The following MYO3B variants were observed in gnomAD, a reference collection of about 807,000 sequenced individuals.
MYO3B encodes myosin-IIIb.
In MYO3B, 156 loss-of-function variants were observed where a neutral mutation model predicts 174.6. The ratio of observed to expected loss-of-function variants is 0.89; its 90% CI spans 0.78 to 1.02. The LOEUF (loss-of-function observed/expected upper bound fraction) is 1.02. Among genes scored for constraint, MYO3B ranks in the 50% least tolerant of loss-of-function variants. The pLI is 0.00. For synonymous variants in MYO3B, 563 were observed against 569.1 expected (o/e 0.99, Z 0.15); for missense variants, 1,632 against 1,639.4 (o/e 1.00, Z 0.08).
At chr2:170,477,990 A>G (rs1401160787) in intron 25 of MYO3B, among the ~76,000 whole-genome samples, 2 of 152,208 alleles carry the variant, frequency 1.3e-5, no homozygotes, top group Non-Finnish European at 2.9e-5. Context: ...CACAGTCACA[A>G]GATGGCTATT....
At chr2:170,306,273 G>A (rs1417990976) in intron 7 of MYO3B, among the ~76,000 whole-genome samples, 1 of 152,204 alleles carries the variant, frequency 6.6e-6, no homozygotes, top group African/African-American at 2.4e-5. Context: ...ATATCCGCAA[G>A]ATACTGTTAG....
intron 7 of MYO3B, among the ~76,000 whole-genome samples, chr2:170,328,722 C>T (rs373069553): frequency 1.1e-3 from 167 of 152,084 alleles, no homozygotes; most frequent in African/African-American, 3.7e-3. Flanking sequence ...CTATAGTTAC[C>T]CACTCTGTGG....
chr2:170,324,104 C>G (rs904536403), intron 7 of MYO3B, among the ~76,000 whole-genome samples: 1 of 152,066 alleles, frequency 6.6e-6, no homozygotes, highest in Admixed American at 6.6e-5. Context: ...AGAGGCAGAG[C>G]GACAGGAAAG....
At chr2:170,385,130 C>T (rs982380920) in intron 12 of MYO3B, among the ~76,000 whole-genome samples, 1 of 152,152 alleles carries the variant, frequency 6.6e-6, no homozygotes, top group Non-Finnish European at 1.5e-5. Flanking sequence ...AGGAAGGGGG[C>T]ATGGCACACA....
At chr2:170,459,565 T>C (rs1684125109) in intron 23 of MYO3B, among the ~76,000 whole-genome samples, 1 of 152,170 alleles carries the variant, frequency 6.6e-6, no homozygotes, top group South Asian at 2.1e-4. Context: ...AGGAGCCCAG[T>C]TGGCTTTGCC....
rs1007969723 is a variant in MYO3B, at chr2:170,551,024, A to C, written c.3733+7036A>C. Reference sequence around the variant, plus strand: ...AGCTTTTCTCATGCCTCAGCCTCCTAAGTAACTGGGATTACAGGCCTGAGC... The same window carrying C: ...AGCTTTTCTCATGCCTCAGCCTCCTCAGTAACTGGGATTACAGGCCTGAGC... On this transcript the variant is annotated intron_variant, in intron 32 of 34. Coordinates refer to ENST00000408978, the MANE Select transcript of MYO3B (RefSeq NM_138995.5). Among the ~76,000 whole-genome samples the C allele has an allele frequency of 5.4e-4, 5 of 9,238 alleles. No homozygotes were observed. In the African/African-American group the frequency reaches 5.7e-3, roughly 10 times the overall value. The allele number at this position is 9,238 out of a possible 152,430, so 6.1% of individuals were successfully genotyped here.
At chr2:170,329,399 G>T (rs1304754362) in intron 7 of MYO3B, among the ~76,000 whole-genome samples, 2 of 142,370 alleles carry the variant, frequency 1.4e-5, no homozygotes, top group Non-Finnish European at 3.0e-5. Flanking sequence ...TTCCACTATT[G>T]GGGATTTTTT....
chr2:170,453,981 C>T (rs146283893), intron 23 of MYO3B, among the ~76,000 whole-genome samples: 339 of 152,260 alleles, frequency 2.2e-3, no homozygotes, highest in African/African-American at 7.1e-3. Context: ...CAGGGCTAAC[C>T]GAATGCAATT....
intron 7 of MYO3B, among the ~76,000 whole-genome samples, chr2:170,292,090 C>A (rs953065316): frequency 2.6e-5 from 4 of 152,104 alleles, no homozygotes; most frequent in African/African-American, 9.7e-5. Flanking sequence ...AGATAATTTT[C>A]TGCATCTTGT....
intron 32 of MYO3B, among the ~76,000 whole-genome samples, chr2:170,615,013 T>C (rs949299808): frequency 2.6e-5 from 4 of 152,192 alleles, no homozygotes; most frequent in Non-Finnish European, 5.9e-5. Flanking sequence ...ACTTTCTGTT[T>C]CTTACATTAA....
At chr2:170,193,013 C>T (rs2092558305) in intron 1 of MYO3B, among the ~76,000 whole-genome samples, 1 of 151,720 alleles carries the variant, frequency 6.6e-6, no homozygotes, top group South Asian at 2.1e-4. Flanking sequence ...GTTAAATATG[C>T]ACTTATTGAT....
At chr2:170,409,323 A>C (rs753869658) in intron 22 of MYO3B, among the ~76,000 whole-genome samples, 1 of 152,228 alleles carries the variant, frequency 6.6e-6, no homozygotes, top group South Asian at 2.1e-4. Context: ...ACAAAGAGAT[A>C]ACCTCCGCCG....
intron 8 of MYO3B, among the ~76,000 whole-genome samples, chr2:170,347,177 A>G (rs2094022871): frequency 6.6e-6 from 1 of 152,236 alleles, no homozygotes; most frequent in African/African-American, 2.4e-5. Context: ...AGTAAGATTT[A>G]TTTAAAGCTT....
At chr2:170,216,147 C>T (rs1008219300) in intron 5 of MYO3B, among the ~76,000 whole-genome samples, 7 of 152,212 alleles carry the variant, frequency 4.6e-5, no homozygotes, top group Non-Finnish European at 7.3e-5. Flanking sequence ...AATAAACCCA[C>T]AGATCCTTGG....
In MYO3B at chr2:170,519,454, A is replaced by G. The variant is rs1021532559; in HGVS notation, c.3489A>G (p.Val1163=). The change falls in exon 30 of 35, where the codon GTA becomes GTG. Residue 1163 remains valine (V), a synonymous_variant. Transcript: ENST00000408978. ...PGDHKVLRGS[V]HRRSHSQAES... is the part of the protein sequence containing the mutation. ...TTCTCTCAGTTCTCAGGGGCTCTGT[A>G]CATCGTAGGAGCCATTCACAAGCAG... 3 of 1,613,550 alleles carry G rather than the reference A, an allele frequency of 1.9e-6. No individual in the cohort carries two copies. The highest frequency in any genetic ancestry group is 2.5e-6 in the Non-Finnish European group (3 of 1,179,674).
At chr2:170,432,384 A>C (rs562842535) in intron 22 of MYO3B, among the ~76,000 whole-genome samples, 3 of 152,188 alleles carry the variant, frequency 2.0e-5, no homozygotes, top group African/African-American at 7.2e-5. Context: ...AAAATTAAAA[A>C]GTAAACAAAA....
chr2:170,653,159 A>G lies in MYO3B; in HGVS notation c.*38A>G, dbSNP rs1263356696. On this transcript the variant is annotated 3_prime_UTR_variant, in exon 35 of 35. Coordinates refer to ENST00000408978, the MANE Select transcript of MYO3B (RefSeq NM_138995.5). ...AACCCTAAATCTGTCCAGAGTAGGA[A>G]CATTCATGGTAATCGACTGTCTGTC... is the stretch of plus-strand genomic sequence containing the variant. The G allele has an allele frequency of 2.5e-6, 4 of 1,612,158 alleles. No homozygotes were observed. The highest frequency in any genetic ancestry group is 3.3e-4 in the Middle Eastern group (2 of 6,060).
At chr2:170,399,224 AAG>A (rs1473727657) in intron 16 of MYO3B, among the ~76,000 whole-genome samples, 3 of 137,250 alleles carry the variant, frequency 2.2e-5, no homozygotes, top group Non-Finnish European at 4.8e-5. Context: ...CCTGGGCAAC[AAG>A]AGCGAAATTC....
rs191183551 is a variant in MYO3B at position 170,536,897 on chromosome 2, C to T, written c.3576-6009C>T. On this transcript the variant is annotated intron_variant, in intron 30 of 34. Coordinates refer to ENST00000408978, the MANE Select transcript of MYO3B (RefSeq NM_138995.5). ...TCCCTCAAGATTCTTGGGGCCCCTA[C>T]TATTTAAAAGTATGCTGGTCTCGGC... Among the ~76,000 whole-genome samples, 63 of 152,102 alleles carry T rather than the reference C, an allele frequency of 4.1e-4. No individual in the cohort carries two copies. The East Asian group carries it at 5.0e-3, about 12-fold the overall frequency.
Sources: gnomAD v4.1 joint callset for allele counts (sites outside exome capture counted in the v4.1 genomes callset) on GRCh38, gnomAD v4.1.1 for gene constraint, MANE v1.5 for transcripts, NCBI Gene and HGNC (gene_info 2026-07-23, HGNC 2026-07-21) for gene names.